PDGFD: variants seen among roughly 807,000 people sequenced by gnomAD.
The protein encoded by PDGFD is platelet-derived growth factor D.
PDGFD carries 30 observed loss-of-function variants against 44.7 expected under a neutral mutation model. The ratio of observed to expected loss-of-function variants is 0.67; its 90% CI spans 0.50 to 0.91. The LOEUF is 0.91. Ranked by LOEUF, PDGFD falls within the 40% of genes least tolerant of loss-of-function variation. The pLI, the probability that PDGFD is intolerant of heterozygous loss-of-function variation, is 0.00. For missense variants in PDGFD, 445 were observed against 457.8 expected, an observed-to-expected ratio of 0.97 and a Z score of 0.25; for synonymous variants, 173 against 168.4, an observed-to-expected ratio of 1.03 and a Z score of -0.21.
chr11:104,080,135 A>C (rs2134428167), intron 1 of PDGFD, among the ~76,000 whole-genome samples: 1 of 152,300 alleles, frequency 6.6e-6, no homozygotes, highest in Middle Eastern at 3.4e-3. Context: ...CAGAGAGAAA[A>C]AAGAGGGCTT....
chr11:103,932,301 T>C (rs978672345), intron 5 of PDGFD, among the ~76,000 whole-genome samples: 5 of 152,214 alleles, frequency 3.3e-5, no homozygotes, highest in Non-Finnish European at 7.3e-5. Flanking sequence ...ATATGAGCTA[T>C]TAAACCTCTA....
At chr11:104,035,190 T>C (rs1048396664) in intron 1 of PDGFD, among the ~76,000 whole-genome samples, 3 of 152,134 alleles carry the variant, frequency 2.0e-5, no homozygotes, top group Admixed American at 1.3e-4. Context: ...CAAAGGTTCA[T>C]CTCACTCATT....
intron 3 of PDGFD, among the ~76,000 whole-genome samples, chr11:103,960,729 T>C (rs1372929749): frequency 6.6e-6 from 1 of 152,198 alleles, no homozygotes; most frequent in Non-Finnish European, 1.5e-5. Flanking sequence ...ATAGGATATG[T>C]AACTTGTAAA....
Position 104,110,824 on chromosome 11 carries a change from A to G in PDGFD, c.124+52980T>C, listed in dbSNP as rs972293976. On this transcript the variant is annotated intron_variant, in intron 1 of 6. Transcript: ENST00000393158. ...TTTGTCCCTCCTTCTCAAGGAGATT[A>G]TAAGAGTTCTAGGAAAGAGTTCAAA... 2.0e-5 allele frequency among the ~76,000 whole-genome samples: 3 copies of G among 152,136 alleles called. No individual in the cohort carries two copies. The East Asian group carries it at 5.8e-4, about 29-fold the overall frequency.
At chr11:104,133,013 T>C (rs1241952252) in intron 1 of PDGFD, among the ~76,000 whole-genome samples, 1 of 152,100 alleles carries the variant, frequency 6.6e-6, no homozygotes, top group Admixed American at 6.6e-5. Context: ...ATTTGAACTG[T>C]AAGGTTGTCA....
chr11:104,149,046 C>A (rs1862207163), intron 1 of PDGFD, among the ~76,000 whole-genome samples: 1 of 152,038 alleles, frequency 6.6e-6, no homozygotes, highest in Non-Finnish European at 1.5e-5. Flanking sequence ...TATTACATGT[C>A]TTTTGGACAA....
intron 1 of PDGFD, among the ~76,000 whole-genome samples, chr11:104,049,838 G>A (rs533109400): frequency 1.6e-3 from 237 of 152,226 alleles, no homozygotes; most frequent in Middle Eastern, 6.8e-3. Context: ...TGGTAACTTC[G>A]ACAAGAGTGA....
chr11:104,131,042 T>C (rs1217348091), intron 1 of PDGFD, among the ~76,000 whole-genome samples: 1 of 152,196 alleles, frequency 6.6e-6, no homozygotes, highest in African/African-American at 2.4e-5. Context: ...TTATCATATG[T>C]CACCTTGTAC....
At chr11:103,954,761 G>C (rs1366579607) in intron 3 of PDGFD, among the ~76,000 whole-genome samples, 1 of 152,130 alleles carries the variant, frequency 6.6e-6, no homozygotes, top group Non-Finnish European at 1.5e-5. Flanking sequence ...CTTCTTGATT[G>C]AGTTAATGCT....
At chr11:104,022,900 T>TA in intron 1 of PDGFD, among the ~76,000 whole-genome samples, 1 of 152,160 alleles carries the variant, frequency 6.6e-6, no homozygotes, top group South Asian at 2.1e-4. Flanking sequence ...GTAGTAACTA[T>TA]AAAAAATATA....
At chr11:104,158,437 C>A (rs1367030168) in intron 1 of PDGFD, among the ~76,000 whole-genome samples, 15 of 152,286 alleles carry the variant, frequency 9.8e-5, no homozygotes, top group African/African-American at 3.4e-4. Flanking sequence ...GTCCACTAGG[C>A]AATACATTCC....
intron 3 of PDGFD, among the ~76,000 whole-genome samples, chr11:103,974,104 C>G (rs1236743144): frequency 2.0e-5 from 3 of 151,896 alleles, no homozygotes; most frequent in Non-Finnish European, 4.4e-5. Context: ...ATCCAGACCA[C>G]TAGAAGAAGA....
chr11:104,086,304 T>C (rs1476476719), intron 1 of PDGFD, among the ~76,000 whole-genome samples: 1 of 152,200 alleles, frequency 6.6e-6, no homozygotes, highest in East Asian at 1.9e-4. Context: ...CACTCGTCTA[T>C]GTAAAAAGCC....
intron 1 of PDGFD, among the ~76,000 whole-genome samples, chr11:104,078,998 G>C (rs750467083): frequency 1.4e-4 from 22 of 152,096 alleles, no homozygotes; most frequent in African/African-American, 5.1e-4. Flanking sequence ...GCATCTTAAG[G>C]TCTACTGTGA....
intron 1 of PDGFD, among the ~76,000 whole-genome samples, chr11:104,156,546 A>G (rs1167203926): frequency 6.6e-6 from 1 of 152,134 alleles, no homozygotes; most frequent in Admixed American, 6.6e-5. Context: ...ATAATGAAAG[A>G]CAGCTCCCAT....
chr11:104,106,919 T>G (rs774579556), intron 1 of PDGFD, among the ~76,000 whole-genome samples: 1 of 151,874 alleles, frequency 6.6e-6, no homozygotes, highest in African/African-American at 2.4e-5. Flanking sequence ...AATTTTTGTG[T>G]TTTTAGTAGA....
intron 1 of PDGFD, among the ~76,000 whole-genome samples, chr11:104,066,482 G>A (rs1860793207): frequency 6.6e-6 from 1 of 152,072 alleles, no homozygotes; most frequent in South Asian, 2.1e-4. Flanking sequence ...ATCCCCAAGT[G>A]AGATGACACA....
chr11:104,002,646 T>C (rs1412087915), intron 1 of PDGFD, among the ~76,000 whole-genome samples: 1 of 152,194 alleles, frequency 6.6e-6, no homozygotes, highest in Non-Finnish European at 1.5e-5. Flanking sequence ...TTTGAGCTAT[T>C]AGTCAGTCAA....
intron 1 of PDGFD, chr11:104,037,866 G>T: frequency 6.2e-7 from 1 of 1,614,176 alleles, no homozygotes; most frequent in Non-Finnish European, 8.5e-7. Flanking sequence ...AGAAAAATGT[G>T]CTGGTCATCG....
Sources: allele counts gnomAD v4.1 joint callset (sites outside exome capture counted in the v4.1 genomes callset), GRCh38; gene constraint gnomAD v4.1.1; transcripts MANE v1.5; gene names NCBI Gene and HGNC (gene_info 2026-07-23, HGNC 2026-07-21).